Variants in CSMD1 observed in about 807,000 individuals in gnomAD.
CSMD1 encodes CUB and Sushi multiple domains 1.
CSMD1 carries 213 observed loss-of-function variants against 417.5 expected under a neutral mutation model. The observed-to-expected ratio is 0.51, with a 90% CI of 0.46 to 0.57. The LOEUF is 0.57. Among genes scored for constraint, CSMD1 ranks in the 20% least tolerant of loss-of-function variants. The pLI is 0.00. For synonymous variants in CSMD1, 2,862 were observed against 1,736.8 expected (o/e 1.65, Z -16.11); for missense variants, 6,923 against 4,529.7 (o/e 1.53, Z -15.17).
chr8:3,880,436 T>C (rs1806131217), intron 5 of CSMD1, among the ~76,000 whole-genome samples: 1 of 152,228 alleles, frequency 6.6e-6, no homozygotes, highest in Non-Finnish European at 1.5e-5. Context: ...ATTTGAGTGA[T>C]ATTTATGTAA....
chr8:4,298,252 A>G (rs898788905), intron 3 of CSMD1, among the ~76,000 whole-genome samples: 2 of 152,220 alleles, frequency 1.3e-5, no homozygotes, highest in African/African-American at 4.8e-5. Context: ...TTAAAACTAA[A>G]AACACATACA....
intron 3 of CSMD1, among the ~76,000 whole-genome samples, chr8:4,089,632 A>C (rs1800609326): frequency 6.6e-6 from 1 of 152,232 alleles, no homozygotes; most frequent in Admixed American, 6.5e-5. Flanking sequence ...CACTATTCTA[A>C]GGAATAAGTG....
At chr8:3,932,311 T>C (rs1235811803) in intron 5 of CSMD1, among the ~76,000 whole-genome samples, 2 of 150,630 alleles carry the variant, frequency 1.3e-5, no homozygotes, top group Non-Finnish European at 3.0e-5. Flanking sequence ...GTTAAACATG[T>C]GCTCATGGTC....
rs200975977 is a variant in CSMD1 at position 4,639,255 on chromosome 8, T to TTC, written c.86-1698_86-1697insGA. Among the ~76,000 whole-genome samples the TTC allele has an allele frequency of 4.3e-3, 642 of 150,706 alleles. 21 individuals carry two copies. Among genetic ancestry groups the TTC allele is most frequent in the Admixed American group, 0.031 (467 of 15,092 alleles). On this transcript the variant is annotated intron_variant, in intron 1 of 69. Coordinates refer to ENST00000635120, the MANE Select transcript of CSMD1 (RefSeq NM_033225.6). ...ATTTGGTCCCTGTGGTTGTCAATTT[T>TTC]TTTTTTTTTTTTTTGGTCTGTTCAG...
chr8:4,660,129 A>AG (rs1241964483), intron 1 of CSMD1, among the ~76,000 whole-genome samples: 2 of 149,818 alleles, frequency 1.3e-5, no homozygotes, highest in Non-Finnish European at 3.0e-5. Context: ...AAAAAAAAAA[A>AG]GGAACGAAAT....
At position 3,124,249 on chromosome 8, in the gene CSMD1, CT is replaced by C. The variant is rs532095172; in HGVS notation, c.6242-5663del. 3.1e-3 allele frequency among the ~76,000 whole-genome samples: 467 copies of C among 152,142 alleles called. 2 individuals are homozygous for C. Among genetic ancestry groups the C allele is most frequent in the Non-Finnish European group, 5.2e-3 (356 of 68,016 alleles). Reference sequence around the variant, plus strand: ...TATTGACTCTACTCTGTTATAAATGCTAGTTATAAATGGAAACTAGAAATGC... The same window carrying C: ...TATTGACTCTACTCTGTTATAAATGCAGTTATAAATGGAAACTAGAAATGC... On this transcript the variant is annotated intron_variant, in intron 41 of 69. Transcript: ENST00000635120.
At chr8:3,725,708 G>C (rs553206967) in intron 6 of CSMD1, among the ~76,000 whole-genome samples, 2 of 152,264 alleles carry the variant, frequency 1.3e-5, no homozygotes, top group African/African-American at 2.4e-5. Context: ...TGCAATGAGA[G>C]AGTAGGCAGA....
intron 1 of CSMD1, among the ~76,000 whole-genome samples, chr8:4,797,835 C>G (rs1798062771): frequency 6.6e-6 from 1 of 152,090 alleles, no homozygotes; most frequent in Non-Finnish European, 1.5e-5. Flanking sequence ...GTATAATTAT[C>G]AAGAGAAACC....
chr8:4,041,452 C>T (rs1797891342), intron 3 of CSMD1, among the ~76,000 whole-genome samples: 1 of 152,162 alleles, frequency 6.6e-6, no homozygotes, highest in African/African-American at 2.4e-5. Context: ...AACCTACATC[C>T]AGCCTTAAAA....
Position 3,968,004 on chromosome 8 carries a change from T to TAAAAAAAAAAA in CSMD1, c.818+29888_818+29898dup, listed in dbSNP as rs11330461. Reference sequence around the variant, plus strand: ...AACACGGTGAAACCCCGTCACTGCTTAAAAAAAAAAAAAAAAAAAAAAATT... The same window carrying TAAAAAAAAAAA: ...AACACGGTGAAACCCCGTCACTGCTTAAAAAAAAAAAAAAAAAAAAAAAAAAAAAAAAAATT... On this transcript the variant is annotated intron_variant, in intron 5 of 69. Transcript: ENST00000635120. Among the ~76,000 whole-genome samples the TAAAAAAAAAAA allele has an allele frequency of 3.3e-3, 325 of 98,832 alleles. 2 individuals carry two copies. The highest frequency in any genetic ancestry group is 6.8e-3 in the Middle Eastern group (1 of 148). 64.8% of individuals were successfully genotyped at this position (98,832 alleles called of 152,430 possible).
At chr8:4,324,597 G>C (rs547159441) in intron 3 of CSMD1, among the ~76,000 whole-genome samples, 96 of 152,322 alleles carry the variant, frequency 6.3e-4, no homozygotes, top group African/African-American at 1.9e-3. Context: ...CTAGGAACAA[G>C]ACAGGTCAGT....
chr8:3,398,022 C>A (rs1424861039), intron 16 of CSMD1, among the ~76,000 whole-genome samples: 1 of 152,044 alleles, frequency 6.6e-6, no homozygotes, highest in Admixed American at 6.5e-5. Context: ...CGGGTATTTC[C>A]AAATGGAATT....
chr8:4,968,082 T>C (rs901896114), intron 1 of CSMD1, among the ~76,000 whole-genome samples: 9 of 152,154 alleles, frequency 5.9e-5, no homozygotes, highest in Admixed American at 2.6e-4. Context: ...AGAAATATAA[T>C]TTGTTTCATG....
chr8:3,726,831 G>A (rs547814421), intron 6 of CSMD1, among the ~76,000 whole-genome samples: 2 of 152,236 alleles, frequency 1.3e-5, no homozygotes, highest in South Asian at 4.1e-4. Context: ...TAATCAGTTT[G>A]AGTCACTGTA....
At chr8:4,356,257 C>G (rs772886357) in intron 3 of CSMD1, among the ~76,000 whole-genome samples, 1 of 152,126 alleles carries the variant, frequency 6.6e-6, no homozygotes, top group African/African-American at 2.4e-5. Flanking sequence ...TCTCCAATCT[C>G]ATCCCGGTCA....
chr8:3,201,464 T>C, intron 32 of CSMD1, 148 bp downstream of exon 32: 1 of 458,126 alleles, frequency 2.2e-6, no homozygotes, highest in South Asian at 5.8e-5. Flanking sequence ...ATCTTATATC[T>C]AAAATAAGAT....
chr8:4,053,091 G>A (rs1206296488), intron 3 of CSMD1, among the ~76,000 whole-genome samples: 4 of 152,140 alleles, frequency 2.6e-5, no homozygotes, highest in East Asian at 3.9e-4. Flanking sequence ...ATTGGAATAA[G>A]AAGGGGCTGA....
chr8:4,593,921 GA>G (rs1800123468), intron 2 of CSMD1, among the ~76,000 whole-genome samples: 2 of 152,142 alleles, frequency 1.3e-5, no homozygotes, highest in African/African-American at 4.8e-5. Flanking sequence ...TGAGGGCCAG[GA>G]GTCTGAAATC....
At chr8:4,918,186 G>A (rs771352341) in intron 1 of CSMD1, among the ~76,000 whole-genome samples, 1 of 152,206 alleles carries the variant, frequency 6.6e-6, no homozygotes, top group Admixed American at 6.5e-5. Context: ...CTCCTGAGTT[G>A]AAATCATTAC....
Sources: allele counts gnomAD v4.1 joint callset (sites outside exome capture counted in the v4.1 genomes callset), GRCh38; gene constraint gnomAD v4.1.1; transcripts MANE v1.5; gene names NCBI Gene and HGNC (gene_info 2026-07-23, HGNC 2026-07-21).